The following BLTP3B variants were observed in gnomAD, a reference collection of about 807,000 sequenced individuals.
The protein encoded by BLTP3B is bridge-like lipid transfer protein family member 3B.
the BLTP3B span, among the ~76,000 whole-genome samples, chr12:100,052,363 A>T: frequency 3.3e-5 from 5 of 152,090 alleles, no homozygotes; most frequent in Admixed American, 6.5e-5. Context: ...AAATTTTTTT[A>T]AAATTTACAT....
the BLTP3B span, among the ~76,000 whole-genome samples, chr12:100,131,007 G>A: frequency 1.7e-5 from 2 of 115,776 alleles, no homozygotes; most frequent in African/African-American, 8.5e-5. Flanking sequence ...GAGAGAGAGA[G>A]AGAGAGAGAG....
chr12:100,060,771 G>A, the BLTP3B span, among the ~76,000 whole-genome samples: 1 of 152,132 alleles, frequency 6.6e-6, no homozygotes. Flanking sequence ...TTTGTTTTCA[G>A]AGCACCTTGA....
the BLTP3B span, among the ~76,000 whole-genome samples, chr12:100,096,732 G>A: frequency 2.0e-5 from 3 of 151,902 alleles, no homozygotes; most frequent in Admixed American, 6.6e-5. Flanking sequence ...AAGGCAGGAG[G>A]ATCCCTTGAG....
chr12:100,096,468 A>T, the BLTP3B span, among the ~76,000 whole-genome samples: 2 of 152,150 alleles, frequency 1.3e-5, no homozygotes, highest in South Asian at 4.1e-4. Context: ...AAATTATAAG[A>T]CAGTAAATGT....
the BLTP3B span, among the ~76,000 whole-genome samples, chr12:100,113,197 CG>C: frequency 6.7e-6 from 1 of 148,742 alleles, no homozygotes. Flanking sequence ...TCATCTCGGC[CG>C]GGTGCGGTGG....
the BLTP3B span, among the ~76,000 whole-genome samples, chr12:100,101,550 T>G: frequency 6.6e-6 from 1 of 152,190 alleles, no homozygotes; most frequent in Non-Finnish European, 1.5e-5. Context: ...GCAAAAATAA[T>G]GCAGAAATCC....
At chr12:100,086,557 G>A in the BLTP3B span, among the ~76,000 whole-genome samples, 43 of 152,134 alleles carry the variant, frequency 2.8e-4, no homozygotes, top group Non-Finnish European at 3.4e-4. Context: ...AAGGCACCAG[G>A]ATAAAAGGTA....
chr12:100,113,696 G>A, the BLTP3B span, among the ~76,000 whole-genome samples: 1 of 151,840 alleles, frequency 6.6e-6, no homozygotes, highest in Non-Finnish European at 1.5e-5. Context: ...GTTGGCTCAG[G>A]CCTCTAATCC....
chr12:100,052,291 C>T, the BLTP3B span, among the ~76,000 whole-genome samples: 13 of 152,002 alleles, frequency 8.6e-5, no homozygotes, highest in African/African-American at 1.4e-4. Flanking sequence ...GATCTGCCTG[C>T]CTTGGCCTCC....
chr12:100,080,469 C>T, the BLTP3B span, among the ~76,000 whole-genome samples: 2 of 152,026 alleles, frequency 1.3e-5, no homozygotes, highest in African/African-American at 4.8e-5. Context: ...TTAACATCAG[C>T]GTGACATGTA....
chr12:100,124,980 T>TATATATATATA, the BLTP3B span, among the ~76,000 whole-genome samples: 5 of 60,044 alleles, frequency 8.3e-5, no homozygotes, highest in Admixed American at 2.2e-4. Flanking sequence ...ATATATATAT[T>TATATATATATA]TATATTTATT....
the BLTP3B span, chr12:100,051,309 T>C: frequency 1.7e-6 from 2 of 1,164,938 alleles, no homozygotes; most frequent in Non-Finnish European, 2.3e-6. Context: ...AAATGGACTA[T>C]CCCTTCAACT....
At chr12:100,084,531 A>G in the BLTP3B span, 3 of 1,613,942 alleles carry the variant, frequency 1.9e-6, no homozygotes, top group Non-Finnish European at 2.5e-6. Flanking sequence ...GTGAACCTAC[A>G]TTATGATCCT....
the BLTP3B span, among the ~76,000 whole-genome samples, chr12:100,065,243 G>GT: frequency 6.6e-6 from 1 of 151,796 alleles, no homozygotes; most frequent in Non-Finnish European, 1.5e-5. Flanking sequence ...TGATGAATGC[G>GT]TTAACTATAC....
chr12:100,073,313 G>A, the BLTP3B span, among the ~76,000 whole-genome samples: 3 of 151,342 alleles, frequency 2.0e-5, no homozygotes, highest in Non-Finnish European at 4.4e-5. Flanking sequence ...ACACAACAAC[G>A]TGAATGTGCT....
At chr12:100,128,763 C>A in the BLTP3B span, 11 of 1,243,458 alleles carry the variant, frequency 8.8e-6, no homozygotes, top group Non-Finnish European at 1.0e-5. Flanking sequence ...CAGAAGGGAG[C>A]AAGTTTAAGG....
At chr12:100,072,708 T>G in the BLTP3B span, 1 of 1,589,340 alleles carries the variant, frequency 6.3e-7, no homozygotes, top group Non-Finnish European at 8.5e-7. Flanking sequence ...TAATATTCTG[T>G]GAATTCTATA....
the BLTP3B span, among the ~76,000 whole-genome samples, chr12:100,138,611 GT>G: frequency 1.3e-5 from 2 of 152,180 alleles, no homozygotes; most frequent in East Asian, 3.9e-4. Flanking sequence ...ACTGACCCTG[GT>G]TGACAACTGC....
At chr12:100,104,075 T>C in the BLTP3B span, 1 of 593,630 alleles carries the variant, frequency 1.7e-6, no homozygotes, top group Non-Finnish European at 2.7e-6. Flanking sequence ...TCACTTTTCT[T>C]AAACTACAAA....
Sources: gnomAD v4.1 joint callset for allele counts (sites outside exome capture counted in the v4.1 genomes callset) on GRCh38, gnomAD v4.1.1 for gene constraint, MANE v1.5 for transcripts, NCBI Gene and HGNC (gene_info 2026-07-23, HGNC 2026-07-21) for gene names.